Variants in IL1RAPL2 observed in about 807,000 individuals in gnomAD.
IL1RAPL2 encodes X-linked interleukin-1 receptor accessory protein-like 2.
Under a neutral mutation model 44.1 loss-of-function variants are expected in IL1RAPL2, and 3 were observed. The ratio of observed to expected loss-of-function variants is 0.07; its 90% CI spans 0.03 to 0.18. IL1RAPL2 has a LOEUF of 0.18. Among genes scored for constraint, IL1RAPL2 ranks in the 10% least tolerant of loss-of-function variants. IL1RAPL2 has a pLI of 1.00. For missense variants in IL1RAPL2, 391 were observed against 496.4 expected (o/e 0.79, Z 2.02); for synonymous variants, 181 against 178.8 (o/e 1.01, Z -0.10).
At chrX:105,125,178 A>G (rs1377366567) in intron 2 of IL1RAPL2, among the ~76,000 whole-genome samples, 1 of 110,716 alleles carries the variant, frequency 9.0e-6, no homozygotes, top group Non-Finnish European at 1.9e-5. Flanking sequence ...TAAAGGTACA[A>G]TGGTTAATGT....
intron 1 of IL1RAPL2, among the ~76,000 whole-genome samples, chrX:104,645,258 A>C (rs1249772354): frequency 9.0e-6 from 1 of 111,337 alleles, no homozygotes; most frequent in African/African-American, 3.3e-5. Context: ...TATTTATACC[A>C]ATTCTGTTTC....
At chrX:104,791,603 A>G (rs2147608128) in intron 2 of IL1RAPL2, among the ~76,000 whole-genome samples, 1 of 112,234 alleles carries the variant, frequency 8.9e-6, no homozygotes, top group African/African-American at 3.2e-5. Flanking sequence ...TCTTTGTCAA[A>G]TGAGGTGCTC....
At chrX:104,910,027 C>T (rs1307460792) in intron 2 of IL1RAPL2, among the ~76,000 whole-genome samples, 4 of 112,612 alleles carry the variant, frequency 3.6e-5, no homozygotes, top group Non-Finnish European at 5.6e-5. Flanking sequence ...TAGGACCCTC[C>T]GAGCCAGGTG....
chrX:105,219,793 G>A lies in IL1RAPL2; in HGVS notation c.357-14025G>A, dbSNP rs782574761. On this transcript the variant is annotated intron_variant, in intron 3 of 10. Transcript: ENST00000372582. ...AGTGGGCAGGGCTGAGGTGTGTTCT[G>A]GGGGCAAGGCGGGAGCACTAAGCAG... The A allele has an allele frequency of 5.2e-6, 6 of 1,162,985 alleles. No homozygotes were observed. In the African/African-American group the frequency reaches 1.1e-4, roughly 21 times the overall value.
intron 3 of IL1RAPL2, among the ~76,000 whole-genome samples, chrX:105,205,483 G>A (rs1323192627): frequency 9.7e-6 from 1 of 103,162 alleles, no homozygotes; most frequent in African/African-American, 3.5e-5. Flanking sequence ...CCAGCTACTT[G>A]GGAAGCTGAA....
chrX:105,013,474 G>A (rs945855421), intron 2 of IL1RAPL2, among the ~76,000 whole-genome samples: 2 of 110,134 alleles, frequency 1.8e-5, no homozygotes, highest in African/African-American at 6.6e-5. Context: ...GAAGTATAAG[G>A]TCTTCATACT....
intron 6 of IL1RAPL2, among the ~76,000 whole-genome samples, chrX:105,659,501 CAAA>C (rs1039020742): frequency 2.8e-5 from 3 of 107,121 alleles, no homozygotes; most frequent in African/African-American, 1.0e-4. Context: ...ACTAAAAATA[CAAA>C]AAATTAGCTG....
chrX:105,402,317 A>T (rs377751503), intron 5 of IL1RAPL2, among the ~76,000 whole-genome samples: 1 of 111,422 alleles, frequency 9.0e-6, no homozygotes, highest in South Asian at 3.8e-4. Context: ...CTGTAAACAT[A>T]CATCTCAACT....
intron 6 of IL1RAPL2, among the ~76,000 whole-genome samples, chrX:105,631,562 C>G (rs917536984): frequency 8.9e-6 from 1 of 111,950 alleles, no homozygotes; most frequent in African/African-American, 3.2e-5. Context: ...CCAGACTTTG[C>G]GTCTGCAAGG....
At chrX:104,687,485 C>A (rs1931010086) in intron 2 of IL1RAPL2, among the ~76,000 whole-genome samples, 1 of 111,412 alleles carries the variant, frequency 9.0e-6, no homozygotes, top group Non-Finnish European at 1.9e-5. Flanking sequence ...AATCTGCCCT[C>A]ATGATCTAAA....
intron 1 of IL1RAPL2, among the ~76,000 whole-genome samples, chrX:104,567,302 C>G (rs1172530234): frequency 8.9e-6 from 1 of 112,816 alleles, no homozygotes; most frequent in African/African-American, 3.2e-5. Context: ...TTCAGGTGCC[C>G]GCGAGCCCAA....
chrX:105,172,954 G>C (rs988189842), intron 2 of IL1RAPL2, among the ~76,000 whole-genome samples: 1 of 110,947 alleles, frequency 9.0e-6, no homozygotes, highest in Admixed American at 9.6e-5. Context: ...TTAAACTTTG[G>C]TTGGAGAGAT....
At chrX:105,446,745 T>C (rs990761851) in intron 5 of IL1RAPL2, among the ~76,000 whole-genome samples, 2 of 109,689 alleles carry the variant, frequency 1.8e-5, no homozygotes, top group Admixed American at 2.0e-4. Flanking sequence ...TATTGTTCTA[T>C]ATATTTGAAA....
intron 2 of IL1RAPL2, among the ~76,000 whole-genome samples, chrX:104,691,050 G>T (rs1402188774): frequency 9.0e-6 from 1 of 111,672 alleles, no homozygotes; most frequent in East Asian, 2.8e-4. Flanking sequence ...GAATGATTTT[G>T]GCTCTTTTGA....
chrX:105,100,576 A>G (rs1321268961), intron 2 of IL1RAPL2, among the ~76,000 whole-genome samples: 1 of 111,795 alleles, frequency 8.9e-6, no homozygotes, highest in Non-Finnish European at 1.9e-5. Flanking sequence ...GGTGAGAACT[A>G]GTTCTCATTG....
intron 2 of IL1RAPL2, among the ~76,000 whole-genome samples, chrX:105,182,943 G>A (rs782760576): frequency 9.0e-6 from 1 of 111,274 alleles, no homozygotes; most frequent in Non-Finnish European, 1.9e-5. Context: ...AGGTAGTGGG[G>A]ATAGTGGCAG....
At chrX:104,915,431 A>C (rs1924389565) in intron 2 of IL1RAPL2, among the ~76,000 whole-genome samples, 1 of 110,538 alleles carries the variant, frequency 9.0e-6, no homozygotes, top group African/African-American at 3.3e-5. Context: ...TTTTCTTGTA[A>C]ATTTGTTGGA....
At chrX:105,736,026 C>T (rs759111810) in intron 7 of IL1RAPL2, among the ~76,000 whole-genome samples, 27 of 111,172 alleles carry the variant, frequency 2.4e-4, no homozygotes, top group Non-Finnish European at 4.3e-4. Context: ...GGTACTGGTA[C>T]AAAAACAGAC....
intron 2 of IL1RAPL2, among the ~76,000 whole-genome samples, chrX:105,120,074 C>T (rs1288424642): frequency 9.1e-6 from 1 of 109,429 alleles, no homozygotes; most frequent in African/African-American, 3.3e-5. Flanking sequence ...AAGCCTCAAA[C>T]CCAGACAGTC....
Sources: allele counts gnomAD v4.1 joint callset (sites outside exome capture counted in the v4.1 genomes callset), GRCh38; gene constraint gnomAD v4.1.1; transcripts MANE v1.5; gene names NCBI Gene and HGNC (gene_info 2026-07-23, HGNC 2026-07-21).